NTNG2: variants seen among roughly 807,000 people sequenced by gnomAD.
NTNG2 encodes the protein netrin G2, also known as netrin-G2.
Under a neutral mutation model 47.6 loss-of-function variants are expected in NTNG2, and 15 were observed. That is an observed-to-expected ratio of 0.32 (90% CI 0.21 to 0.49). NTNG2 has a LOEUF of 0.49. NTNG2 is among the 20% of genes least tolerant of loss of function. NTNG2 has a pLI of 0.99. For synonymous variants in NTNG2, 307 were observed against 324.6 expected (o/e 0.95, Z 0.58); for missense variants, 578 against 764.6 (o/e 0.76, Z 2.88).
intron 4 of NTNG2, among the ~76,000 whole-genome samples, chr9:132,227,688 C>T (rs1840882779): frequency 6.6e-6 from 1 of 152,208 alleles, no homozygotes; most frequent in South Asian, 2.1e-4. Flanking sequence ...CTCTGCCCAC[C>T]CCTCTCCTGT....
intron 3 of NTNG2, among the ~76,000 whole-genome samples, chr9:132,222,595 G>A (rs1409177545): frequency 6.6e-6 from 1 of 152,184 alleles, no homozygotes; most frequent in East Asian, 1.9e-4. Flanking sequence ...TTCTGTTCCA[G>A]AGAATTCCAG....
At chr9:132,194,000 T>C (rs901276626) in intron 2 of NTNG2, among the ~76,000 whole-genome samples, 1 of 152,144 alleles carries the variant, frequency 6.6e-6, no homozygotes, top group African/African-American at 2.4e-5. Context: ...ACCAGTCAGA[T>C]TGGACTAGGG....
At chr9:132,184,729 G>A (rs1189011479) in intron 2 of NTNG2, among the ~76,000 whole-genome samples, 3 of 152,210 alleles carry the variant, frequency 2.0e-5, no homozygotes, top group African/African-American at 4.8e-5. Flanking sequence ...TTCGAGACCA[G>A]CCTGACCAAC....
At position 132,180,688 on chromosome 9, in the gene NTNG2, G is replaced by C. The variant is rs978505641; in HGVS notation, c.213+13644G>C. ...CCCCAGATTCTGCTTCAGGGAGACGGAGAGAGAGAGAAAGAGAAAGAACGA... is the reference window on the plus strand; with the variant it reads ...CCCCAGATTCTGCTTCAGGGAGACGCAGAGAGAGAGAAAGAGAAAGAACGA... On this transcript the variant is annotated intron_variant, in intron 2 of 7. Coordinates refer to ENST00000393229, the MANE Select transcript of NTNG2 (RefSeq NM_032536.4). This position sits in a 1 kb window ranked among gnomAD's most constrained non-coding sequence, Gnocchi z 4.2. Among the ~76,000 whole-genome samples, 3 of 152,182 alleles carry C rather than the reference G, an allele frequency of 2.0e-5. No homozygotes were observed. Among genetic ancestry groups the C allele is most frequent in the Non-Finnish European group, 4.4e-5 (3 of 68,046 alleles).
intron 3 of NTNG2, among the ~76,000 whole-genome samples, chr9:132,204,225 A>T (rs1216433201): frequency 1.3e-5 from 2 of 152,202 alleles, no homozygotes; most frequent in South Asian, 2.1e-4. Flanking sequence ...AGACTGGCCA[A>T]GCCCGGCTCC....
intron 3 of NTNG2, among the ~76,000 whole-genome samples, 167 bp downstream of exon 3, chr9:132,198,776 T>G (rs1237023613): frequency 1.3e-5 from 2 of 152,070 alleles, no homozygotes; most frequent in African/African-American, 4.8e-5. Flanking sequence ...CATCGTTACC[T>G]GGTTCCCCGG....
chr9:132,199,204 C>A (rs1838558006), intron 3 of NTNG2, among the ~76,000 whole-genome samples: 1 of 152,122 alleles, frequency 6.6e-6, no homozygotes, highest in South Asian at 2.1e-4. Context: ...GCTGGGCTAA[C>A]TCCTGGTGCT....
In NTNG2 at chr9:132,226,406, T is replaced by A. The variant is rs540386637; in HGVS notation, c.858-443T>A. Among the ~76,000 whole-genome samples, 106 of 152,322 alleles carry A rather than the reference T, an allele frequency of 7.0e-4. No homozygotes were observed. Among genetic ancestry groups the A allele is most frequent in the Middle Eastern group, 3.4e-3 (1 of 294 alleles). On this transcript the variant is annotated intron_variant, in intron 3 of 7. Transcript: ENST00000393229. The surrounding 1 kb of genome is among the most constrained non-coding windows in gnomAD (Gnocchi z 4.8). ...GAGGTCCAGCCTGAAGCCAGGTGCC[T>A]TTCTACACAATGAAGTGCAGCCCAT...
At chr9:132,189,650 T>A (rs7850216) in intron 2 of NTNG2, among the ~76,000 whole-genome samples, 54,035 of 151,486 alleles carry the variant, frequency 0.36, 9,746 homozygotes, top group African/African-American at 0.41. Flanking sequence ...AAAAAAAATT[T>A]TTTTTTTGAG....
intron 4 of NTNG2, among the ~76,000 whole-genome samples, chr9:132,229,366 C>A (rs1052972998): frequency 2.0e-5 from 3 of 152,096 alleles, no homozygotes; most frequent in Non-Finnish European, 2.9e-5. Flanking sequence ...TGGAGACCCT[C>A]CTCCCGCCAC....
chr9:132,202,390 C>T (rs902643886), intron 3 of NTNG2, among the ~76,000 whole-genome samples: 9 of 152,138 alleles, frequency 5.9e-5, no homozygotes, highest in African/African-American at 2.2e-4. Context: ...ACAGACTGAG[C>T]TGCAGCCCCA....
rs552017304 is a variant in NTNG2, at chr9:132,180,690, G to A, written c.213+13646G>A. Reference sequence around the variant, plus strand: ...CCAGATTCTGCTTCAGGGAGACGGAGAGAGAGAGAAAGAGAAAGAACGATA... The same window carrying A: ...CCAGATTCTGCTTCAGGGAGACGGAAAGAGAGAGAAAGAGAAAGAACGATA... On this transcript the variant is annotated intron_variant, in intron 2 of 7. Coordinates refer to ENST00000393229, the MANE Select transcript of NTNG2 (RefSeq NM_032536.4). This position sits in a 1 kb window ranked among gnomAD's most constrained non-coding sequence, Gnocchi z 4.2. 6.6e-6 allele frequency among the ~76,000 whole-genome samples: 1 copy of A among 152,350 alleles called. No homozygotes were observed. The highest frequency in any genetic ancestry group is 2.1e-4 in the South Asian group (1 of 4,826).
rs771590912 is a variant in NTNG2, at chr9:132,162,535, A to AGTGTGTGT, written c.-484+310_-484+317dup. Among the ~76,000 whole-genome samples, 2 of 78,234 alleles carry AGTGTGTGT rather than the reference A, an allele frequency of 2.6e-5. No homozygotes were observed. The highest frequency in any genetic ancestry group is 5.8e-5 in the African/African-American group (1 of 17,148). The allele number at this position is 78,234 out of a possible 152,430, so 51.3% of individuals were successfully genotyped here. A position where few individuals can be genotyped will look rare whatever the true frequency, so the allele number is the denominator to read the frequency against. ...GGGTCCTTTCCGTCGTGTGTGTGAG[A>AGTGTGTGT]GTGTGTGTGTGTGTGTGTGTGAGAG... is the stretch of plus-strand genomic sequence containing the variant. On this transcript the variant is annotated intron_variant, in intron 1 of 7. Coordinates refer to ENST00000393229, the MANE Select transcript of NTNG2 (RefSeq NM_032536.4). This position sits in a 1 kb window ranked among gnomAD's most constrained non-coding sequence, Gnocchi z 4.6.
chr9:132,241,320 C>T (rs1191640429), intron 7 of NTNG2: 2 of 483,150 alleles, frequency 4.1e-6, no homozygotes, highest in Non-Finnish European at 7.3e-6. Flanking sequence ...TGGGGCCGAC[C>T]CGGGGGCGGT....
chr9:132,170,116 C>T (rs1367219700), intron 2 of NTNG2, among the ~76,000 whole-genome samples: 2 of 152,312 alleles, frequency 1.3e-5, no homozygotes, highest in Middle Eastern at 3.4e-3. Context: ...AGCGCAAGCC[C>T]GGCTGCACTC....
At chr9:132,193,861 T>C (rs986188439) in intron 2 of NTNG2, among the ~76,000 whole-genome samples, 1 of 152,130 alleles carries the variant, frequency 6.6e-6, no homozygotes, top group Non-Finnish European at 1.5e-5. Flanking sequence ...CAGGTTTGGT[T>C]TCTGGAGAGG....
intron 2 of NTNG2, among the ~76,000 whole-genome samples, chr9:132,176,152 C>A (rs930284417): frequency 1.3e-5 from 2 of 151,490 alleles, no homozygotes; most frequent in African/African-American, 4.9e-5. Context: ...AGTTTGAGAC[C>A]AGCCTGGGCA....
intron 3 of NTNG2, among the ~76,000 whole-genome samples, chr9:132,214,033 C>G (rs550827759): frequency 6.6e-6 from 1 of 152,350 alleles, no homozygotes; most frequent in East Asian, 1.9e-4. Flanking sequence ...CTGAAATCCC[C>G]GTGGGGCTTT....
intron 3 of NTNG2, among the ~76,000 whole-genome samples, chr9:132,214,304 C>T (rs1163556119): frequency 6.6e-6 from 1 of 152,214 alleles, no homozygotes; most frequent in Non-Finnish European, 1.5e-5. Flanking sequence ...GTGCCAGGCC[C>T]GGGTCCAGAT....
Sources: gnomAD v4.1 joint callset for allele counts (sites outside exome capture counted in the v4.1 genomes callset) on GRCh38, gnomAD v4.1.1 for gene constraint, Gnocchi (gnomAD v3.1) non-coding constraint, MANE v1.5 for transcripts, NCBI Gene and HGNC (gene_info 2026-07-23, HGNC 2026-07-21) for gene names.